Variants in FANK1 observed in about 807,000 individuals in gnomAD.
The protein encoded by FANK1 is fibronectin type III and ankyrin repeat domains 1, also known as fibronectin type 3 and ankyrin repeat domains protein 1.
FANK1 carries 44 observed loss-of-function variants against 45.3 expected under a neutral mutation model. The ratio of observed to expected loss-of-function variants is 0.97; its 90% confidence interval spans 0.76 to 1.25. The LOEUF (loss-of-function observed/expected upper bound fraction) is 1.25. FANK1 is among the 50% of genes most tolerant of loss of function. The pLI, the probability that FANK1 is intolerant of heterozygous loss-of-function variation, is 0.00. For missense variants in FANK1, 391 were observed against 424.4 expected, an observed-to-expected ratio of 0.92 and a Z score of 0.69; for synonymous variants, 149 against 152.5, an observed-to-expected ratio of 0.98 and a Z score of 0.17.
intron 8 of FANK1, 83 bp from the exon 9 acceptor site, chr10:126,008,971 T>C: frequency 8.3e-6 from 11 of 1,332,154 alleles, no homozygotes; most frequent in Non-Finnish European, 1.2e-5. Context: ...GCTGGGACCC[T>C]GCATGTGCCA....
intron 1 of FANK1, among the ~76,000 whole-genome samples, chr10:125,897,112 C>G (rs1248382085): frequency 6.6e-6 from 1 of 152,254 alleles, no homozygotes; most frequent in Admixed American, 6.5e-5. Flanking sequence ...CCCCGTCTTA[C>G]TCCCCGCCCC....
At chr10:125,933,880 C>T (rs561763898) in intron 1 of FANK1, among the ~76,000 whole-genome samples, 54 of 152,210 alleles carry the variant, frequency 3.5e-4, no homozygotes, top group African/African-American at 1.3e-3. Context: ...ATCTTGTTTT[C>T]GTTTTTGACC....
At chr10:125,957,077 G>A (rs1021071042) in intron 1 of FANK1, among the ~76,000 whole-genome samples, 1 of 152,114 alleles carries the variant, frequency 6.6e-6, no homozygotes, top group East Asian at 1.9e-4. Flanking sequence ...GGATGGTCAC[G>A]ATCTCCTGAC....
Position 125,996,594 on chromosome 10 carries a change from T to C in FANK1, c.443T>C (p.Leu148Pro). The C allele has an allele frequency of 6.2e-7, 1 of 1,614,210 alleles. No homozygotes were observed. Among genetic ancestry groups the C allele is most frequent in the Non-Finnish European group, 8.5e-7 (1 of 1,180,024 alleles). ...DVPNKFGFTALMVAAQKGYTR... is the reference protein window; with the variant it reads ...DVPNKFGFTAPMVAAQKGYTR... ...CCCAATAAGTTTGGCTTTACCGCTC[T>C]GATGGTTGCTGCCCAGAAAGGATAC... is the stretch of plus-strand genomic sequence containing the variant. Residue 148 changes from leucine to proline, a missense_variant, in exon 5 of 11, where the codon CTG (leucine) becomes CCG (proline). Transcript: ENST00000368693.
At position 125,945,729 on chromosome 10, in the gene FANK1, C is replaced by T. The variant is rs566536494; in HGVS notation, c.14-34432C>T. Among the ~76,000 whole-genome samples, 13 of 152,322 alleles carry T rather than the reference C, an allele frequency of 8.5e-5. No individual in the cohort carries two copies. In the East Asian group the frequency reaches 1.4e-3, roughly 16 times the overall value. ...AGGTAAACAAAGCAGCCAGGAGGCTCGAACTGGGTGGAGCCCACCACAACT... is the reference window on the plus strand; with the variant it reads ...AGGTAAACAAAGCAGCCAGGAGGCTTGAACTGGGTGGAGCCCACCACAACT... On this transcript the variant is annotated intron_variant, in intron 1 of 10. Coordinates refer to ENST00000368693, the MANE Select transcript of FANK1 (RefSeq NM_145235.5).
At chr10:125,988,829 C>A (rs748224768) in intron 3 of FANK1, 154 bp downstream of exon 3, 7 of 1,163,236 alleles carry the variant, frequency 6.0e-6, no homozygotes, top group South Asian at 1.3e-5. Flanking sequence ...TTGGGCCTTG[C>A]CATAACTTGT....
At chr10:125,999,580 A>C (rs1340185144) in intron 6 of FANK1, among the ~76,000 whole-genome samples, 4 of 152,152 alleles carry the variant, frequency 2.6e-5, no homozygotes, top group African/African-American at 9.7e-5. Context: ...AGCCAGTGTC[A>C]TTCTTAGTAT....
intron 6 of FANK1, 71 bp downstream of exon 6, chr10:125,997,556 G>C (rs1952435864): frequency 7.0e-7 from 1 of 1,432,748 alleles, no homozygotes; most frequent in South Asian, 1.2e-5. Context: ...GTGCCCAGAG[G>C]GGTTGTGATT....
At chr10:126,006,354 T>C (rs1276182972) in intron 7 of FANK1, among the ~76,000 whole-genome samples, 1 of 152,176 alleles carries the variant, frequency 6.6e-6, no homozygotes, top group Admixed American at 6.5e-5. Context: ...TCATTAAAAA[T>C]TTATTACATT....
chr10:125,951,855 T>C (rs1485842920), intron 1 of FANK1, among the ~76,000 whole-genome samples: 1 of 152,198 alleles, frequency 6.6e-6, no homozygotes, highest in East Asian at 1.9e-4. Flanking sequence ...ACAAAAGCAA[T>C]TCAAATGCAT....
Position 125,997,470 on chromosome 10 carries a change from G to A in FANK1, c.524G>A (p.Gly175Glu). The stretch of plus-strand genomic sequence containing the variant: ...GGCACAGACGTGAATCTGAAGAATG[G>A]AAGTGGCAAGGACAGGTAGGAGGTG... ...SNGTDVNLKNGSGKDSLMLAC... is the reference protein window; with the variant it reads ...SNGTDVNLKNESGKDSLMLAC... The change falls in exon 6 of 11, where the codon GGA becomes GAA. Residue 175 changes from glycine to glutamate, a missense_variant. Gly to Glu is a moderately conservative substitution (Grantham distance 98, BLOSUM62 -2). Coordinates refer to ENST00000368693, the MANE Select transcript of FANK1 (RefSeq NM_145235.5). The A allele has an allele frequency of 6.2e-7, 1 of 1,614,016 alleles. No individual in the cohort carries two copies. Among genetic ancestry groups the A allele is most frequent in the Middle Eastern group, 1.7e-4 (1 of 6,058 alleles).
chr10:125,996,410 A>G, intron 4 of FANK1, 140 bp from the exon 5 acceptor site: 1 of 678,700 alleles, frequency 1.5e-6, no homozygotes, highest in African/African-American at 1.8e-5. Context: ...AAGACAAGAA[A>G]AGATTTAATG....
chr10:125,973,486 A>G, intron 1 of FANK1: 1 of 984,488 alleles, frequency 1.0e-6, no homozygotes, highest in African/African-American at 1.7e-5. Flanking sequence ...GAGATGACTC[A>G]CAGTAAGAGG....
At chr10:125,973,216 A>C (rs919775510) in intron 1 of FANK1, 1 of 153,844 alleles carries the variant, frequency 6.5e-6, no homozygotes, top group Non-Finnish European at 1.4e-5. Context: ...TTCATGGTGA[A>C]CTGTTTTGAA....
Position 125,996,556 on chromosome 10 carries a change from T to A in FANK1, c.405T>A (p.Val135=). 6.2e-7 allele frequency: 1 copy of A among 1,614,186 alleles called. No homozygotes were observed. Among genetic ancestry groups the A allele is most frequent in the Non-Finnish European group, 8.5e-7 (1 of 1,180,028 alleles). The change falls in exon 5 of 11, where the codon GTT becomes GTA. Residue 135 remains valine (V), a synonymous_variant. Transcript: ENST00000368693. ...LLVRILQGGR[V]KVDVPNKFGF... is the part of the protein sequence containing the mutation. ...TTTCTCTGCTTTTCCCAAGCCGTGT[T>A]AAGGTTGATGTTCCCAATAAGTTTG...
At chr10:125,959,907 C>T (rs187713903) in intron 1 of FANK1, among the ~76,000 whole-genome samples, 24 of 152,218 alleles carry the variant, frequency 1.6e-4, no homozygotes, top group Admixed American at 6.5e-4. Flanking sequence ...TACATTTTGA[C>T]GTATCTGGTG....
At chr10:125,901,162 A>T (rs1780001904) in intron 1 of FANK1, among the ~76,000 whole-genome samples, 1 of 152,132 alleles carries the variant, frequency 6.6e-6, no homozygotes, top group South Asian at 2.1e-4. Flanking sequence ...AACTGAGGTG[A>T]ATGACTAAGG....
intron 1 of FANK1, among the ~76,000 whole-genome samples, chr10:125,952,364 G>T (rs1442953123): frequency 1.3e-5 from 2 of 152,090 alleles, no homozygotes; most frequent in African/African-American, 4.8e-5. Context: ...GTCAGGTCAG[G>T]GTTTAGATGC....
At chr10:125,951,500 C>T (rs1238024974) in intron 1 of FANK1, among the ~76,000 whole-genome samples, 1 of 152,162 alleles carries the variant, frequency 6.6e-6, no homozygotes, top group Non-Finnish European at 1.5e-5. Context: ...GAAGTCAACA[C>T]ATTCATTGAA....
Sources: gnomAD v4.1 joint callset for allele counts (sites outside exome capture counted in the v4.1 genomes callset) on GRCh38, gnomAD v4.1.1 for gene constraint, MANE v1.5 for transcripts, NCBI Gene and HGNC (gene_info 2026-07-23, HGNC 2026-07-21) for gene names.